XRN1: variants seen among roughly 807,000 people sequenced by gnomAD.
XRN1 encodes 5'-3' exoribonuclease 1, also known as strand-exchange protein 1 homolog.
Under a neutral mutation model 222.3 loss-of-function variants are expected in XRN1, and 67 were observed. That is an observed-to-expected ratio of 0.30 (90% CI 0.25 to 0.37). XRN1 has a LOEUF of 0.37. XRN1 is among the 10% of genes least tolerant of loss of function. The probability of loss-of-function intolerance (pLI) is 1.00; values close to 1 mark genes in which losing one functional copy is unlikely to be tolerated. For synonymous variants in XRN1, 643 were observed against 652.4 expected, an observed-to-expected ratio of 0.99 and a Z score of 0.22; for missense variants, 1,707 against 2,000.2, an observed-to-expected ratio of 0.85 and a Z score of 2.80.
At chr3:142,355,545 A>G in intron 31 of XRN1, 49 bp from the exon 32 acceptor site, 2 of 1,174,840 alleles carry the variant, frequency 1.7e-6, no homozygotes, top group Non-Finnish European at 1.2e-6. Context: ...GGAAGAAATA[A>G]AAATACATAT....
At chr3:142,375,398 T>C (rs2067113176) in intron 25 of XRN1, among the ~76,000 whole-genome samples, 1 of 152,170 alleles carries the variant, frequency 6.6e-6, no homozygotes, top group Non-Finnish European at 1.5e-5. Context: ...ATTTCAGCAA[T>C]AAAATTCAAT....
At position 142,329,486 on chromosome 3, in the gene XRN1, C is replaced by A; in HGVS notation, c.4352G>T (p.Cys1451Phe). Reference protein sequence around the residue: ...STPVTELSRICSLVGMPQPDF... With the variant: ...STPVTELSRIFSLVGMPQPDF... ...AGGTTGTGGCATTCCAACAAGGGAA[C>A]AAATTCGAGAAAGTTCAGTTACTGG... The change falls in exon 37 of 41, where the codon TGT becomes TTT. Residue 1451 changes from cysteine (C) to phenylalanine (F), a missense_variant. Cys to Phe is a radical substitution (Grantham distance 205). Around this residue, in one of 2 missense-constraint regions of XRN1, gnomAD observed 473 missense variants for 482.0 expected, o/e 0.98. Transcript: ENST00000392981. 1 of 1,594,920 alleles carries A rather than the reference C, an allele frequency of 6.3e-7. No homozygotes were observed. Among genetic ancestry groups the A allele is most frequent in the Non-Finnish European group, 8.5e-7 (1 of 1,173,090 alleles).
intron 32 of XRN1, among the ~76,000 whole-genome samples, chr3:142,352,018 T>A (rs896191746): frequency 5.9e-5 from 9 of 152,054 alleles, no homozygotes; most frequent in Non-Finnish European, 1.0e-4. Context: ...GAGTCAAAAA[T>A]TTTTGCTTTC....
At chr3:142,324,411 C>G (rs951882056) in intron 37 of XRN1, among the ~76,000 whole-genome samples, 19 of 152,038 alleles carry the variant, frequency 1.2e-4, no homozygotes, top group Non-Finnish European at 2.6e-4. Context: ...CATGTCCCTA[C>G]AAAGGACATG....
At chr3:142,348,577 T>C (rs2066215702) in intron 32 of XRN1, among the ~76,000 whole-genome samples, 1 of 152,196 alleles carries the variant, frequency 6.6e-6, no homozygotes, top group South Asian at 2.1e-4. Context: ...AAGTGGAGGC[T>C]AGAGAAGGTC....
In XRN1 at chr3:142,371,386, T is replaced by G; in HGVS notation, c.2979-58A>C. ...TATATATGGTTAATTTCGGATAAAC[T>G]TCCTACATAATAATTTCAGATCCTA... On this transcript the variant is annotated intron_variant, in intron 25 of 40. Coordinates refer to ENST00000392981, the MANE Select transcript of XRN1 (RefSeq NM_001282857.2). 3.2e-6 allele frequency: 4 copies of G among 1,254,976 alleles called. 1 individual carries two copies. In the South Asian group the frequency reaches 5.3e-5, roughly 17 times the overall value. The allele number at this position is 1,254,976 out of a possible 1,614,324, so 77.7% of individuals were successfully genotyped here.
chr3:142,387,784 T>C (rs2067562564), intron 20 of XRN1, among the ~76,000 whole-genome samples: 1 of 152,160 alleles, frequency 6.6e-6, no homozygotes, highest in Non-Finnish European at 1.5e-5. Context: ...ATAAATGGCT[T>C]GCTGCTGTCT....
intron 13 of XRN1, among the ~76,000 whole-genome samples, chr3:142,414,746 C>T (rs998465752): frequency 1.2e-4 from 19 of 152,300 alleles, no homozygotes; most frequent in Admixed American, 5.2e-4. Context: ...CCGCCCGCCT[C>T]GGCCTCCCAA....
rs1481473068 is a variant in XRN1, at chr3:142,335,486, T to C, written c.3901A>G (p.Lys1301Glu). Reference protein sequence around the residue: ...RKFKEECKSPKAECWSQKMSN... With the variant: ...RKFKEECKSPEAECWSQKMSN... ...ATTTTTTGGGACCAACACTCAGCTTTAGGACTCTTACACTCTTCTTTAACT... is the reference window on the plus strand; with the variant it reads ...ATTTTTTGGGACCAACACTCAGCTTCAGGACTCTTACACTCTTCTTTAACT... Residue 1301 changes from lysine to glutamate, a missense_variant, in exon 34 of 41, where the codon AAA becomes GAA. This residue lies in a region of XRN1 where 473 missense variants were observed against 482.0 expected (regional missense o/e 0.98). Transcript: ENST00000392981. The C allele has an allele frequency of 1.2e-6, 2 of 1,613,852 alleles. No homozygotes were observed. Among genetic ancestry groups the C allele is most frequent in the Non-Finnish European group, 1.7e-6 (2 of 1,179,894 alleles).
chr3:142,379,929 AC>A (rs759614599), intron 23 of XRN1, among the ~76,000 whole-genome samples, 152 bp downstream of exon 23: 1 of 152,084 alleles, frequency 6.6e-6, no homozygotes, highest in Non-Finnish European at 1.5e-5. Flanking sequence ...CAGATTCCAC[AC>A]TTATTTTTAA....
At chr3:142,382,335 TTAC>T (rs915182534) in intron 22 of XRN1, among the ~76,000 whole-genome samples, 2 of 152,160 alleles carry the variant, frequency 1.3e-5, no homozygotes, top group African/African-American at 2.4e-5. Context: ...CTCTCCAAAT[TTAC>T]TTCTTACATG....
chr3:142,379,007 C>T (rs376794436), intron 23 of XRN1, among the ~76,000 whole-genome samples: 22 of 152,058 alleles, frequency 1.4e-4, no homozygotes, highest in Non-Finnish European at 2.5e-4. Flanking sequence ...TTGTGGCTCA[C>T]ACCTGTAATC....
chr3:142,404,051 T>A, intron 16 of XRN1, 62 bp from the exon 17 acceptor site: 5 of 1,368,360 alleles, frequency 3.7e-6, no homozygotes, highest in Non-Finnish European at 4.1e-6. Context: ...TACAGTTTTT[T>A]AACTTTCCCT....
chr3:142,372,564 A>G (rs1290473727), intron 25 of XRN1, among the ~76,000 whole-genome samples: 2 of 152,174 alleles, frequency 1.3e-5, no homozygotes, highest in Non-Finnish European at 1.5e-5. Context: ...ATACCTCCTT[A>G]TAGATTGGGC....
rs1405799476 is a variant in XRN1 at position 142,412,625 on chromosome 3, A to G, written c.1632T>C (p.Tyr544=). ...GGTCAGTTTTAAAATCAGGTGGGTA[A>G]TATTCTATAATTGGTGAGTCTTCAT... ...MTNEDSPIIE[Y]YPPDFKTDLN... is the part of the protein sequence containing the mutation. The change falls in exon 15 of 41, where the codon TAT becomes TAC. Residue 544 remains tyrosine, a synonymous_variant. Transcript: ENST00000392981. 5.0e-6 allele frequency: 8 copies of G among 1,604,574 alleles called. No individual in the cohort carries two copies. The highest frequency in any genetic ancestry group is 6.8e-6 in the Non-Finnish European group (8 of 1,173,832).
chr3:142,377,007 T>C (rs2067164269), intron 23 of XRN1, among the ~76,000 whole-genome samples: 1 of 152,118 alleles, frequency 6.6e-6, no homozygotes, highest in African/African-American at 2.4e-5. Flanking sequence ...TCAGTAATTA[T>C]TACATTGAAT....
chr3:142,439,471 A>C (rs2070096684), intron 1 of XRN1, among the ~76,000 whole-genome samples: 1 of 152,202 alleles, frequency 6.6e-6, no homozygotes, highest in South Asian at 2.1e-4. Context: ...TGAATTATTC[A>C]ATGATGTCCA....
intron 20 of XRN1, among the ~76,000 whole-genome samples, chr3:142,394,773 C>T (rs1028421693): frequency 6.6e-6 from 1 of 152,154 alleles, no homozygotes; most frequent in African/African-American, 2.4e-5. Context: ...AACCAAAAAC[C>T]AGCTCTACTC....
intron 20 of XRN1, among the ~76,000 whole-genome samples, chr3:142,390,725 A>G (rs1223064894): frequency 6.6e-6 from 1 of 152,140 alleles, no homozygotes; most frequent in East Asian, 1.9e-4. Context: ...TTTCTTTTGT[A>G]TTCACAACTA....
Sources: gnomAD v4.1 joint callset for allele counts (sites outside exome capture counted in the v4.1 genomes callset) on GRCh38, gnomAD v4.1.1 for gene constraint, gnomAD v4.1.1 regional missense constraint, MANE v1.5 for transcripts, NCBI Gene and HGNC (gene_info 2026-07-23, HGNC 2026-07-21) for gene names.